The following SAMD5 variants were observed in gnomAD, a reference collection of about 807,000 sequenced individuals.
SAMD5 encodes the protein sterile alpha motif domain containing 5.
SAMD5 carries 13 observed loss-of-function variants against 11.3 expected under a neutral mutation model. The ratio of observed to expected loss-of-function variants is 1.15; its 90% CI spans 0.75 to 1.83. The LOEUF (loss-of-function observed/expected upper bound fraction) is 1.83, where lower values mean the gene tolerates loss of function less well. Ranked by LOEUF, SAMD5 falls within the 40% of genes most tolerant of loss-of-function variation. SAMD5 has a pLI of 0.00. For synonymous variants in SAMD5, 129 were observed against 111.3 expected, an observed-to-expected ratio of 1.16 and a Z score of -1.00; for missense variants, 255 against 239.1, an observed-to-expected ratio of 1.07 and a Z score of -0.44.
At chr6:147,782,543 C>T in the SAMD5 span, among the ~76,000 whole-genome samples, 1 of 152,228 alleles carries the variant, frequency 6.6e-6, no homozygotes, top group African/African-American at 2.4e-5. Flanking sequence ...TTATCCTGCA[C>T]TTCTCCCAGG....
chr6:147,647,375 G>T (rs1334568026), intron 1 of SAMD5, among the ~76,000 whole-genome samples: 1 of 151,878 alleles, frequency 6.6e-6, no homozygotes, highest in Non-Finnish European at 1.5e-5. Flanking sequence ...TTAATTAATT[G>T]TGCAGTTGGT....
At chr6:147,530,537 A>G (rs1230501215) in intron 1 of SAMD5, among the ~76,000 whole-genome samples, 1 of 152,202 alleles carries the variant, frequency 6.6e-6, no homozygotes, top group Non-Finnish European at 1.5e-5. Flanking sequence ...TCTTGGAGAT[A>G]TGCCATCCTG....
intron 1 of SAMD5, among the ~76,000 whole-genome samples, chr6:147,652,299 T>A (rs1405224939): frequency 2.0e-5 from 3 of 152,202 alleles, no homozygotes; most frequent in Non-Finnish European, 4.4e-5. Context: ...TTTGGTTGGT[T>A]GGTTGGTTTT....
chr6:147,659,201 G>T (rs1790611980), intron 1 of SAMD5, among the ~76,000 whole-genome samples: 1 of 152,086 alleles, frequency 6.6e-6, no homozygotes, highest in South Asian at 2.1e-4. Flanking sequence ...GGTATTCTTT[G>T]GGGAAATGAG....
chr6:147,833,861 C>A, the SAMD5 span, among the ~76,000 whole-genome samples: 1 of 152,138 alleles, frequency 6.6e-6, no homozygotes, highest in Non-Finnish European at 1.5e-5. Flanking sequence ...GTTTTTGTGA[C>A]CTTTCCAGTC....
At chr6:147,916,202 G>A in the SAMD5 span, among the ~76,000 whole-genome samples, 198 of 151,874 alleles carry the variant, frequency 1.3e-3, 3 homozygotes, top group South Asian at 4.2e-4. Flanking sequence ...GAATAGTGCC[G>A]CAATAAACAT....
chr6:147,518,872 T>C (rs1788211443), intron 1 of SAMD5, among the ~76,000 whole-genome samples: 1 of 152,194 alleles, frequency 6.6e-6, no homozygotes, highest in South Asian at 2.1e-4. Context: ...CTGAGAGTAG[T>C]GAGGGAGTCC....
chr6:147,877,628 G>T, the SAMD5 span, among the ~76,000 whole-genome samples: 1 of 152,046 alleles, frequency 6.6e-6, no homozygotes, highest in Admixed American at 6.6e-5. Flanking sequence ...ATTTAAATCA[G>T]TAGACTTTGA....
the SAMD5 span, among the ~76,000 whole-genome samples, chr6:147,860,406 C>T: frequency 7.9e-5 from 12 of 152,266 alleles, no homozygotes; most frequent in African/African-American, 2.9e-4. Context: ...CATATCTTTT[C>T]TAGGAACATA....
the SAMD5 span, among the ~76,000 whole-genome samples, chr6:147,930,272 A>G: frequency 6.6e-6 from 1 of 152,128 alleles, no homozygotes; most frequent in Non-Finnish European, 1.5e-5. Context: ...ACACTTAACT[A>G]GTCTCTAAGA....
At chr6:147,700,749 GAAC>G (rs1314799195) in intron 1 of SAMD5, among the ~76,000 whole-genome samples, 3 of 152,214 alleles carry the variant, frequency 2.0e-5, no homozygotes, top group African/African-American at 7.2e-5. Context: ...ACAGAGTAAA[GAAC>G]AACTGGCATA....
intron 1 of SAMD5, among the ~76,000 whole-genome samples, chr6:147,649,821 G>A (rs1790457743): frequency 6.6e-6 from 1 of 151,678 alleles, no homozygotes; most frequent in Non-Finnish European, 1.5e-5. Flanking sequence ...ACCAACAGGT[G>A]GAAAAAAGCC....
the SAMD5 span, among the ~76,000 whole-genome samples, chr6:147,745,916 A>G: frequency 1.9e-4 from 28 of 150,828 alleles, no homozygotes; most frequent in African/African-American, 6.1e-4. Flanking sequence ...TAATTTTGGT[A>G]TTTTTAATAG....
At chr6:147,916,373 T>C in the SAMD5 span, among the ~76,000 whole-genome samples, 3 of 152,116 alleles carry the variant, frequency 2.0e-5, no homozygotes, top group African/African-American at 4.8e-5. Flanking sequence ...CCACCAACAG[T>C]GTAAAAGTGT....
At chr6:147,592,646 G>A (rs544081449) in intron 1 of SAMD5, among the ~76,000 whole-genome samples, 1 of 152,014 alleles carries the variant, frequency 6.6e-6, no homozygotes, top group Non-Finnish European at 1.5e-5. Context: ...TGATGGTGAT[G>A]ATGATGAACA....
intron 1 of SAMD5, among the ~76,000 whole-genome samples, chr6:147,605,516 G>A (rs981395429): frequency 4.6e-5 from 7 of 152,088 alleles, no homozygotes; most frequent in African/African-American, 1.4e-4. Context: ...GGAAACCATA[G>A]TACCATGTAG....
the SAMD5 span, among the ~76,000 whole-genome samples, chr6:147,872,449 G>T: frequency 6.6e-6 from 1 of 151,864 alleles, no homozygotes; most frequent in African/African-American, 2.4e-5. Context: ...ATTGTTAAGC[G>T]CTTTGCCTGA....
chr6:147,944,718 C>T, the SAMD5 span, among the ~76,000 whole-genome samples: 1 of 152,216 alleles, frequency 6.6e-6, no homozygotes, highest in Non-Finnish European at 1.5e-5. Flanking sequence ...CAAAGTACCA[C>T]CAACTGTTGT....
the SAMD5 span, among the ~76,000 whole-genome samples, chr6:147,851,186 C>T: frequency 2.0e-5 from 3 of 152,056 alleles, no homozygotes; most frequent in East Asian, 3.9e-4. Flanking sequence ...CCAAGTGATC[C>T]GCCTGCCTCA....
Sources: gnomAD v4.1 joint callset for allele counts (sites outside exome capture counted in the v4.1 genomes callset) on GRCh38, gnomAD v4.1.1 for gene constraint, MANE v1.5 for transcripts, NCBI Gene and HGNC (gene_info 2026-07-23, HGNC 2026-07-21) for gene names.